CMSS1: variants seen among roughly 807,000 people sequenced by gnomAD.
The protein encoded by CMSS1 is cms1 ribosomal small subunit homolog.
Under a neutral mutation model 43.5 loss-of-function variants are expected in CMSS1, and 33 were observed. That is an observed-to-expected ratio of 0.76 (90% CI 0.57 to 1.01). The LOEUF (loss-of-function observed/expected upper bound fraction) is 1.01, where lower values mean the gene tolerates loss of function less well. CMSS1 is among the 50% of genes least tolerant of loss of function. The pLI is 0.00. For missense variants in CMSS1, 313 were observed against 326.4 expected, an observed-to-expected ratio of 0.96 and a Z score of 0.32; for synonymous variants, 115 against 117.2, an observed-to-expected ratio of 0.98 and a Z score of 0.12.
chr3:99,932,655 C>A (rs368257188), intron 1 of CMSS1, among the ~76,000 whole-genome samples: 1 of 152,076 alleles, frequency 6.6e-6, no homozygotes, highest in Admixed American at 6.6e-5. Context: ...TTTGGGAGGC[C>A]GAGGCAGGCG....
intron 1 of CMSS1, among the ~76,000 whole-genome samples, chr3:100,051,611 G>GT (rs2065374619): frequency 6.8e-6 from 1 of 147,798 alleles, no homozygotes; most frequent in East Asian, 2.0e-4. Flanking sequence ...GCAGTGTTTG[G>GT]TTTTTTGTCC....
chr3:100,022,188 T>C (rs1565341), intron 1 of CMSS1, among the ~76,000 whole-genome samples: 124,822 of 152,152 alleles, frequency 0.82, 51,273 homozygotes, highest in East Asian at 0.88. Flanking sequence ...TCCTGCAAGT[T>C]TTTTGCTTCA....
chr3:99,864,597 C>T lies in CMSS1; in HGVS notation c.64+46554C>T, dbSNP rs375237606. 7.2e-4 allele frequency among the ~76,000 whole-genome samples: 110 copies of T among 152,224 alleles called. 2 individuals carry two copies. The South Asian group carries it at 0.022, about 30-fold the overall frequency. On this transcript the variant is annotated intron_variant, in intron 1 of 9. Coordinates refer to ENST00000421999, the MANE Select transcript of CMSS1 (RefSeq NM_032359.4). ...AAAATGTTGACCTCAGAAGAGTTTC[C>T]TCTTATCCCATACCATGTTTTTGGT...
intron 1 of CMSS1, among the ~76,000 whole-genome samples, chr3:100,112,026 G>A (rs963581049): frequency 2.6e-5 from 4 of 152,146 alleles, no homozygotes; most frequent in African/African-American, 4.8e-5. Flanking sequence ...TAACCAGCAC[G>A]GGGCCTGGCA....
chr3:99,896,924 A>G (rs1706274188), intron 1 of CMSS1, among the ~76,000 whole-genome samples: 1 of 152,232 alleles, frequency 6.6e-6, no homozygotes, highest in Non-Finnish European at 1.5e-5. Context: ...CCTGTCATAC[A>G]TGGCTAATAA....
intron 1 of CMSS1, among the ~76,000 whole-genome samples, chr3:99,846,851 T>G (rs1052241606): frequency 1.3e-5 from 2 of 152,210 alleles, no homozygotes; most frequent in African/African-American, 4.8e-5. Context: ...TTAACCACAC[T>G]AAATTAACAA....
Position 100,013,261 on chromosome 3 carries a change from T to TTG in CMSS1, c.65-133712_65-133711insTG, listed in dbSNP as rs1559725244. Reference sequence around the variant, plus strand: ...TGTTGTTGTTGTTGTTGTTGTTGTTTGAGATGGAGTCTTGCTCTGTCACCC... The same window carrying TTG: ...TGTTGTTGTTGTTGTTGTTGTTGTTTTGGAGATGGAGTCTTGCTCTGTCACCC... On this transcript the variant is annotated intron_variant, in intron 1 of 9. Coordinates refer to ENST00000421999, the MANE Select transcript of CMSS1 (RefSeq NM_032359.4). 4.5e-4 allele frequency among the ~76,000 whole-genome samples: 60 copies of TTG among 132,140 alleles called. 2 individuals carry two copies. The East Asian group carries it at 0.014, about 31-fold the overall frequency. The allele number at this position is 132,140 out of a possible 152,430, so 86.7% of individuals were successfully genotyped here.
intron 1 of CMSS1, among the ~76,000 whole-genome samples, chr3:100,140,260 C>G (rs2066794147): frequency 6.6e-6 from 1 of 151,736 alleles, no homozygotes; most frequent in Non-Finnish European, 1.5e-5. Context: ...AAAGAAGCTG[C>G]TTACAGCTTA....
At chr3:100,068,743 T>C (rs1224255630) in intron 1 of CMSS1, among the ~76,000 whole-genome samples, 1 of 152,230 alleles carries the variant, frequency 6.6e-6, no homozygotes, top group African/African-American at 2.4e-5. Context: ...TTTTCCTGCC[T>C]CAGCCTCCCA....
At position 99,849,551 on chromosome 3, in the gene CMSS1, C is replaced by T. The variant is rs200062458; in HGVS notation, c.64+31508C>T. ...CTTGAGAGGTGCCCTGACTTAGCTT[C>T]TTCTTCTTGAAGCCTTTTGAAAAGC... On this transcript the variant is annotated intron_variant, in intron 1 of 9. Transcript: ENST00000421999. The T allele has an allele frequency of 2.5e-6, 4 of 1,613,324 alleles. No homozygotes were observed. The African/African-American group carries it at 5.3e-5, about 22-fold the overall frequency.
chr3:99,908,717 T>C (rs1706698688), intron 1 of CMSS1, among the ~76,000 whole-genome samples: 1 of 152,220 alleles, frequency 6.6e-6, no homozygotes, highest in Middle Eastern at 3.2e-3. Flanking sequence ...AATGAGATAA[T>C]CTACTGTGCT....
At chr3:100,015,428 A>C (rs1205858607) in intron 1 of CMSS1, among the ~76,000 whole-genome samples, 1 of 152,184 alleles carries the variant, frequency 6.6e-6, no homozygotes, top group Non-Finnish European at 1.5e-5. Flanking sequence ...AAATCTCATT[A>C]GAATTTTGAT....
intron 1 of CMSS1, among the ~76,000 whole-genome samples, chr3:99,867,403 G>A (rs1340704023): frequency 6.6e-6 from 1 of 152,050 alleles, no homozygotes; most frequent in Non-Finnish European, 1.5e-5. Context: ...ACTATCTCAG[G>A]TTTTAGTAGC....
intron 1 of CMSS1, among the ~76,000 whole-genome samples, chr3:100,105,775 T>G (rs1252617594): frequency 6.6e-6 from 1 of 152,194 alleles, no homozygotes; most frequent in Non-Finnish European, 1.5e-5. Flanking sequence ...TGCTTCTTAC[T>G]GTTGTCACTC....
In CMSS1 at chr3:100,038,750, C is replaced by T. The variant is rs183262096; in HGVS notation, c.65-108223C>T. ...TCCTGGGCTCAAGCGATCCTCCCAC[C>T]TCAGCCTCCCAAGTAGCTGAGATTA... On this transcript the variant is annotated intron_variant, in intron 1 of 9. Transcript: ENST00000421999. Among the ~76,000 whole-genome samples, 197 of 152,296 alleles carry T rather than the reference C, an allele frequency of 1.3e-3. 2 individuals are homozygous for T. The highest frequency in any genetic ancestry group is 4.6e-3 in the African/African-American group (190 of 41,572).
intron 1 of CMSS1, among the ~76,000 whole-genome samples, chr3:99,847,403 G>A (rs1190214258): frequency 2.6e-5 from 4 of 151,692 alleles, no homozygotes. Flanking sequence ...ACAGTGGCTG[G>A]TTCCAGATTT....
chr3:99,917,786 A>C (rs1407676257), intron 1 of CMSS1, among the ~76,000 whole-genome samples: 1 of 152,224 alleles, frequency 6.6e-6, no homozygotes, highest in African/African-American at 2.4e-5. Flanking sequence ...ATGGATGTAC[A>C]GATTTGGATT....
At chr3:100,021,956 T>TGAGA (rs1271947896) in intron 1 of CMSS1, among the ~76,000 whole-genome samples, 42 of 94,602 alleles carry the variant, frequency 4.4e-4, no homozygotes, top group Admixed American at 1.2e-3. Context: ...TGTGTGTGTG[T>TGAGA]GTGTGAGAGA....
intron 1 of CMSS1, among the ~76,000 whole-genome samples, chr3:99,890,125 T>C (rs1706037448): frequency 6.6e-6 from 1 of 152,142 alleles, no homozygotes; most frequent in South Asian, 2.1e-4. Context: ...ACCATCGTTC[T>C]TGAGGATTTT....
Sources: gnomAD v4.1 joint callset for allele counts (sites outside exome capture counted in the v4.1 genomes callset) on GRCh38, gnomAD v4.1.1 for gene constraint, MANE v1.5 for transcripts, NCBI Gene and HGNC (gene_info 2026-07-23, HGNC 2026-07-21) for gene names.